Variants in SYTL2 observed in about 807,000 individuals in gnomAD.
SYTL2 encodes synaptotagmin-like protein 2.
In SYTL2, 165 loss-of-function variants were observed where a neutral mutation model predicts 198.7. The observed-to-expected ratio is 0.83, with a 90% confidence interval of 0.73 to 0.94. The LOEUF is 0.94. Ranked by LOEUF, SYTL2 falls within the 40% of genes least tolerant of loss-of-function variation. The pLI, the probability that SYTL2 is intolerant of heterozygous loss-of-function variation, is 0.00. For synonymous variants in SYTL2, 966 were observed against 917.7 expected, an observed-to-expected ratio of 1.05 and a Z score of -0.95; for missense variants, 2,835 against 2,582.8, an observed-to-expected ratio of 1.10 and a Z score of -2.12.
At chr11:85,765,991 G>A (rs967702387) in intron 1 of SYTL2, among the ~76,000 whole-genome samples, 1 of 152,140 alleles carries the variant, frequency 6.6e-6, no homozygotes, top group Non-Finnish European at 1.5e-5. Flanking sequence ...TACTAATAAA[G>A]GAGGCACACA....
chr11:85,716,250 A>C (rs1284183402), intron 11 of SYTL2: 1 of 152,222 alleles, frequency 6.6e-6, no homozygotes, highest in Non-Finnish European at 1.5e-5. Context: ...AATATGTCCT[A>C]GTTCAAAAGT....
chr11:85,847,410 T>C, the SYTL2 span, among the ~76,000 whole-genome samples: 2 of 152,178 alleles, frequency 1.3e-5, no homozygotes, highest in African/African-American at 2.4e-5. Context: ...TCCTAAGTGC[T>C]GGCAACATTC....
In SYTL2 at chr11:85,726,284, T is replaced by C. The variant is rs1322736660; in HGVS notation, c.3074A>G (p.Asp1025Gly). 2 of 1,613,926 alleles carry C rather than the reference T, an allele frequency of 1.2e-6. No homozygotes were observed. The highest frequency in any genetic ancestry group is 1.3e-5 in the African/African-American group (1 of 74,918). Residue 1025 changes from aspartate (D) to glycine (G), a missense_variant, in exon 8 of 20, where the codon GAC becomes GGC. Asp to Gly is a moderately conservative substitution (Grantham distance 94). Around this residue, in one of 3 missense-constraint regions of SYTL2, gnomAD observed 2,645 missense variants for 2,381.7 expected, o/e 1.11. Coordinates refer to ENST00000359152, the MANE Select transcript of SYTL2 (RefSeq NM_206927.4). ...FNRQKHKEFS[D>G]IKLSGKNTHE... The stretch of plus-strand genomic sequence containing the variant: ...GGTATTTTTACCTGATAATTTAATG[T>C]CGCTGAATTCCTTGTGTTTCTGCCT...
intron 6 of SYTL2, among the ~76,000 whole-genome samples, chr11:85,736,205 A>G (rs1321878988): frequency 6.6e-6 from 1 of 152,218 alleles, no homozygotes; most frequent in Non-Finnish European, 1.5e-5. Context: ...TGTTAAGTGG[A>G]AGACTGAATG....
At chr11:85,713,584 G>C (rs368231287) in intron 12 of SYTL2, among the ~76,000 whole-genome samples, 72 of 152,254 alleles carry the variant, frequency 4.7e-4, no homozygotes, top group African/African-American at 1.7e-3. Context: ...CAAAGGACCT[G>C]AGTTAAAGTC....
chr11:85,823,646 G>A, the SYTL2 span, among the ~76,000 whole-genome samples: 31 of 152,138 alleles, frequency 2.0e-4, 1 homozygote, highest in East Asian at 6.0e-3. Context: ...TCCGTTACTG[G>A]GTTGAAAGGA....
At chr11:85,772,574 C>T (rs889316385) in intron 1 of SYTL2, among the ~76,000 whole-genome samples, 1 of 152,198 alleles carries the variant, frequency 6.6e-6, no homozygotes, top group Non-Finnish European at 1.5e-5. Flanking sequence ...TCCAGAAGGA[C>T]CTTCACTATG....
intron 2 of SYTL2, among the ~76,000 whole-genome samples, chr11:85,757,137 G>A (rs2091910786): frequency 6.6e-6 from 1 of 152,272 alleles, no homozygotes; most frequent in Non-Finnish European, 1.5e-5. Flanking sequence ...TGAAAAATTG[G>A]CTCAGAGAAT....
intron 1 of SYTL2, among the ~76,000 whole-genome samples, chr11:85,792,282 C>T (rs2092741908): frequency 6.6e-6 from 1 of 152,002 alleles, no homozygotes; most frequent in East Asian, 1.9e-4. Context: ...TTCTCTCAAA[C>T]CCACCCTAAC....
Position 85,724,790 on chromosome 11 carries a change from A to G in SYTL2, c.4568T>C (p.Leu1523Pro), listed in dbSNP as rs891767546. 3 of 1,612,968 alleles carry G rather than the reference A, an allele frequency of 1.9e-6. No homozygotes were observed. In the African/African-American group the frequency reaches 4.0e-5, roughly 22 times the overall value. Residue 1523 changes from leucine (L) to proline (P), a missense_variant, in exon 8 of 20, where the codon CTT becomes CCT. Coordinates refer to ENST00000359152, the MANE Select transcript of SYTL2 (RefSeq NM_206927.4). ...ACTACCTATTAACTTTGATGGAGAA[A>G]GATTCCCTGTATCACTTTCATATTT... ...PSKYESDTGN[L>P]SPSKLIGSTE...
At chr11:85,736,651 A>T (rs767122405) in intron 5 of SYTL2, 36 bp from the exon 6 acceptor site, 1 of 1,151,666 alleles carries the variant, frequency 8.7e-7, no homozygotes, top group Non-Finnish European at 1.3e-6. Flanking sequence ...CTTATTTTAA[A>T]TGTCATGACA....
At chr11:85,771,580 C>A (rs1265566071) in intron 1 of SYTL2, among the ~76,000 whole-genome samples, 1 of 152,164 alleles carries the variant, frequency 6.6e-6, no homozygotes, top group Non-Finnish European at 1.5e-5. Context: ...GTGTATGCAA[C>A]AGAATTCCCT....
the SYTL2 span, among the ~76,000 whole-genome samples, chr11:85,833,561 A>G: frequency 6.6e-6 from 1 of 151,650 alleles, no homozygotes; most frequent in African/African-American, 2.4e-5. Flanking sequence ...ATTGCTAACT[A>G]CAAGTTCAGC....
intron 4 of SYTL2, among the ~76,000 whole-genome samples, chr11:85,743,784 G>C (rs997589542): frequency 1.3e-5 from 2 of 152,132 alleles, no homozygotes; most frequent in African/African-American, 4.8e-5. Context: ...GATAGAATAA[G>C]TTCCTGGAAG....
intron 6 of SYTL2, among the ~76,000 whole-genome samples, chr11:85,735,080 C>A (rs11234395): frequency 6.6e-6 from 1 of 152,098 alleles, no homozygotes; most frequent in Non-Finnish European, 1.5e-5. Flanking sequence ...TGGTTCATCA[C>A]GTGTAACAAA....
the SYTL2 span, among the ~76,000 whole-genome samples, chr11:85,841,993 C>A: frequency 6.6e-6 from 1 of 152,278 alleles, no homozygotes; most frequent in Admixed American, 6.5e-5. Flanking sequence ...ATTCATTTAT[C>A]CAAACATTCG....
chr11:85,848,908 T>C, the SYTL2 span, among the ~76,000 whole-genome samples: 1 of 152,088 alleles, frequency 6.6e-6, no homozygotes, highest in Non-Finnish European at 1.5e-5. Flanking sequence ...AAAAAAGACA[T>C]GTGGTATCTT....
At chr11:85,737,713 T>C in intron 4 of SYTL2, 57 bp from the exon 5 acceptor site, 1 of 1,450,300 alleles carries the variant, frequency 6.9e-7, no homozygotes, top group Non-Finnish European at 9.6e-7. Context: ...GAATCATAAA[T>C]TATGCCTCTG....
At chr11:85,782,210 G>A (rs932640004) in intron 1 of SYTL2, among the ~76,000 whole-genome samples, 8 of 152,248 alleles carry the variant, frequency 5.3e-5, no homozygotes, top group Non-Finnish European at 8.8e-5. Context: ...AAACCATGTG[G>A]AAGCTGCCAA....
Sources: allele counts gnomAD v4.1 joint callset (sites outside exome capture counted in the v4.1 genomes callset), GRCh38; gene constraint gnomAD v4.1.1; regional missense constraint gnomAD v4.1.1; transcripts MANE v1.5; gene names NCBI Gene and HGNC (gene_info 2026-07-23, HGNC 2026-07-21).